Variants in XPC observed in about 807,000 individuals in gnomAD.
XPC encodes DNA repair protein complementing XP-C cells.
XPC carries 76 observed loss-of-function variants against 95.8 expected under a neutral mutation model. That is an observed-to-expected ratio of 0.79 (90% CI 0.66 to 0.96). The LOEUF (loss-of-function observed/expected upper bound fraction) is 0.96. Ranked by LOEUF, XPC falls within the 40% of genes least tolerant of loss-of-function variation. XPC has a pLI of 0.00. For missense variants in XPC, 1,146 were observed against 1,179.8 expected, an observed-to-expected ratio of 0.97 and a Z score of 0.42; for synonymous variants, 442 against 442.1, an observed-to-expected ratio of 1.00 and a Z score of 0.00.
At chr3:14,160,027 C>T in intron 7 of XPC, 197 bp from the exon 8 acceptor site, 1 of 535,040 alleles carries the variant, frequency 1.9e-6, no homozygotes, top group East Asian at 3.2e-5. Flanking sequence ...AGAACAGGAA[C>T]ATGCTCATCA....
chr3:14,147,835 G>A, intron 14 of XPC, 73 bp downstream of exon 14: 5 of 1,373,748 alleles, frequency 3.6e-6, no homozygotes, highest in Non-Finnish European at 5.0e-6. Flanking sequence ...GAGGCGGCCT[G>A]GGGAAGGAAG....
At chr3:14,168,523 C>T in intron 3 of XPC, 143 bp from the exon 4 acceptor site, 1 of 1,009,352 alleles carries the variant, frequency 9.9e-7, no homozygotes, top group Non-Finnish European at 1.4e-6. Context: ...CCTAGACATG[C>T]CTTGCCCTGA....
chr3:14,164,738 G>C, intron 7 of XPC, 75 bp downstream of exon 7: 2 of 1,488,356 alleles, frequency 1.3e-6, no homozygotes, highest in Non-Finnish European at 1.8e-6. Context: ...ACCTGGAATG[G>C]CATCTGGCAC....
chr3:14,150,666 C>T (rs1207596330), intron 11 of XPC, among the ~76,000 whole-genome samples: 2 of 152,188 alleles, frequency 1.3e-5, no homozygotes, highest in African/African-American at 4.8e-5. Context: ...GACAGAGCTA[C>T]GACTCAGCGT....
chr3:14,146,054 A>C lies in XPC; in HGVS notation c.2710T>G (p.Trp904Gly). ...TCTTCATCTTCTCGGTTTTGAGGCC[A>C]GGAGGCAGCCAGTATCCTGGCCGCT... ...AEAARILAASWPQNREDEEKQ... is the reference protein window; with the variant it reads ...AEAARILAASGPQNREDEEKQ... Residue 904 changes from tryptophan to glycine, a missense_variant, in exon 16 of 16, where the codon TGG becomes GGG. Physicochemically the swap from Trp to Gly is radical, Grantham distance 184 (BLOSUM62 -2). Coordinates refer to ENST00000285021, the MANE Select transcript of XPC (RefSeq NM_004628.5). 1.2e-6 allele frequency: 2 copies of C among 1,612,988 alleles called. No individual in the cohort carries two copies. The highest frequency in any genetic ancestry group is 1.7e-6 in the Non-Finnish European group (2 of 1,179,572).
Position 14,145,729 on chromosome 3 carries a change from G to C in XPC, c.*212C>G, listed in dbSNP as rs562092540. 25 of 713,674 alleles carry C rather than the reference G, an allele frequency of 3.5e-5. No homozygotes were observed. In the African/African-American group the frequency reaches 4.3e-4, roughly 12 times the overall value. 44.2% of individuals were successfully genotyped at this position (713,674 alleles called of 1,614,324 possible). A position where few individuals can be genotyped will look rare whatever the true frequency, so the allele number is the denominator to read the frequency against. ...AAAAGCTTTGAAGGCTTCACCCTGG[G>C]TGAATCTGACAAGGGCTGGAGCCAG... On this transcript the variant is annotated 3_prime_UTR_variant, in exon 16 of 16. Coordinates refer to ENST00000285021, the MANE Select transcript of XPC (RefSeq NM_004628.5).
At position 14,158,823 on chromosome 3, in the gene XPC, G is replaced by T; in HGVS notation, c.1060C>A (p.Leu354Ile). 1 of 1,613,906 alleles carries T rather than the reference G, an allele frequency of 6.2e-7. No individual in the cohort carries two copies. Among genetic ancestry groups the T allele is most frequent in the South Asian group, 1.1e-5 (1 of 91,074 alleles). ...GGSSETSSQV[L>I]ENHTKPKTSK... ...GTCTTTGGTTTGGTGTGGTTTTCTA[G>T]AACTTGGCTGGAAGTTTCTGAGGAG... The change falls in exon 9 of 16, where the codon CTA becomes ATA. Residue 354 changes from leucine to isoleucine, a missense_variant. Physicochemically the swap from Leu to Ile is conservative, Grantham distance 5 (BLOSUM62 2). Transcript: ENST00000285021. The surrounding 1 kb of genome is among the most constrained non-coding windows in gnomAD (Gnocchi z 5.2).
At chr3:14,167,070 C>T (rs1696409757) in intron 5 of XPC, 99 bp downstream of exon 5, 2 of 1,087,560 alleles carry the variant, frequency 1.8e-6, no homozygotes. Context: ...AGAAACTTGC[C>T]ATGGCCACAG....
chr3:14,147,274 A>G lies in XPC; in HGVS notation c.2604+16T>C. On this transcript the variant is annotated intron_variant, in intron 15 of 15. Transcript: ENST00000285021. Reference sequence around the variant, plus strand: ...TGACCCTGAGCTTGTCTTCTCTGCAAAGAACCTGCACTGACCTTGGGCCCG... The same window carrying G: ...TGACCCTGAGCTTGTCTTCTCTGCAGAGAACCTGCACTGACCTTGGGCCCG... 6.2e-7 allele frequency: 1 copy of G among 1,601,552 alleles called. No homozygotes were observed. The highest frequency in any genetic ancestry group is 8.5e-7 in the Non-Finnish European group (1 of 1,174,164).
chr3:14,178,599 A>T lies in XPC; in HGVS notation c.-31T>A. The T allele has an allele frequency of 1.2e-6, 2 of 1,611,648 alleles. No homozygotes were observed. Among genetic ancestry groups the T allele is most frequent in the Non-Finnish European group, 1.7e-6 (2 of 1,178,930 alleles). On this transcript the variant is annotated 5_prime_UTR_variant, in exon 1 of 16. Coordinates refer to ENST00000285021, the MANE Select transcript of XPC (RefSeq NM_004628.5). ...TTGTCTGGGCAAATTCCACTTCGCG[A>T]GTGACGCACCCGGCCGCGATGCGCT...
intron 14 of XPC, 94 bp downstream of exon 14, chr3:14,147,813 TG>T: frequency 1.8e-6 from 2 of 1,128,426 alleles, no homozygotes; most frequent in Non-Finnish European, 2.6e-6. Flanking sequence ...GGGAAGAGCC[TG>T]GGAGCACACG....
chr3:14,162,431 C>T (rs1696202046), intron 7 of XPC, among the ~76,000 whole-genome samples: 1 of 152,160 alleles, frequency 6.6e-6, no homozygotes, highest in Non-Finnish European at 1.5e-5. Flanking sequence ...TAAGAACAGA[C>T]ATGTAGACCA....
chr3:14,146,612 G>C (rs1041452919), intron 15 of XPC, among the ~76,000 whole-genome samples: 1 of 152,172 alleles, frequency 6.6e-6, no homozygotes, highest in Non-Finnish European at 1.5e-5. Context: ...TGGAGAAGGC[G>C]GCAAGGAGCT....
At chr3:14,149,816 G>A (rs967778844) in intron 11 of XPC, 1 of 152,188 alleles carries the variant, frequency 6.6e-6, no homozygotes, top group Non-Finnish European at 1.5e-5. Flanking sequence ...CACAAGGTAG[G>A]TCTTATTATT....
At chr3:14,170,712 G>A in intron 2 of XPC, 162 bp from the exon 3 acceptor site, 1 of 528,238 alleles carries the variant, frequency 1.9e-6, no homozygotes, top group Admixed American at 3.6e-5. Context: ...CCATCAACAT[G>A]TGTTCCAAAT....
At chr3:14,168,430 A>G in intron 3 of XPC, 50 bp from the exon 4 acceptor site, 1 of 1,605,128 alleles carries the variant, frequency 6.2e-7, no homozygotes, top group Non-Finnish European at 8.5e-7. Flanking sequence ...CAATAATAAT[A>G]GCTACTGTAC....
chr3:14,173,637 T>C (rs986691015), intron 1 of XPC, among the ~76,000 whole-genome samples: 3 of 152,164 alleles, frequency 2.0e-5, no homozygotes, highest in African/African-American at 7.2e-5. Flanking sequence ...ACAGCAATAA[T>C]TCAAAAGTAT....
In XPC at chr3:14,152,373, T is replaced by G; in HGVS notation, c.2077A>C (p.Lys693Gln). 2 of 1,613,406 alleles carry G rather than the reference T, an allele frequency of 1.2e-6. No homozygotes were observed. Among genetic ancestry groups the G allele is most frequent in the Non-Finnish European group, 1.7e-6 (2 of 1,179,682 alleles). Residue 693 changes from lysine (K) to glutamine (Q), a missense_variant, in exon 11 of 16, where the codon AAA becomes CAA. Lys to Gln is a moderately conservative substitution (Grantham distance 53). Transcript: ENST00000285021. ...TLHSRDTWLK[K>Q]ARVVRLGEVP... ...TCTCCAAGCCTCACCACTCTTGCTT[T>G]CTTCAGCCACGTGTCCCTGGAATGC...
chr3:14,169,205 A>T (rs920843951), intron 3 of XPC, among the ~76,000 whole-genome samples: 5 of 152,268 alleles, frequency 3.3e-5, no homozygotes, highest in African/African-American at 1.2e-4. Context: ...TAAAGGTAGC[A>T]TGACTAGAAG....
Sources: allele counts gnomAD v4.1 joint callset (sites outside exome capture counted in the v4.1 genomes callset), GRCh38; gene constraint gnomAD v4.1.1; non-coding constraint Gnocchi (gnomAD v3.1); transcripts MANE v1.5; gene names NCBI Gene and HGNC (gene_info 2026-07-23, HGNC 2026-07-21).